Variants in RAD51C observed in about 807,000 individuals in gnomAD.
RAD51C encodes DNA repair protein RAD51 homolog 3.
In RAD51C, 42 loss-of-function variants were observed where a neutral mutation model predicts 45.0. The ratio of observed to expected loss-of-function variants is 0.93; its 90% CI spans 0.73 to 1.21. The LOEUF (loss-of-function observed/expected upper bound fraction) is 1.21. Ranked by LOEUF, RAD51C falls within the 50% of genes most tolerant of loss-of-function variation. The pLI, the probability that RAD51C is intolerant of heterozygous loss-of-function variation, is 0.00. For missense variants in RAD51C, 474 were observed against 452.2 expected, an observed-to-expected ratio of 1.05 and a Z score of -0.44; for synonymous variants, 172 against 159.8, an observed-to-expected ratio of 1.08 and a Z score of -0.58.
At chr17:58,721,719 A>G (rs1453033074) in intron 6 of RAD51C, among the ~76,000 whole-genome samples, 1 of 151,526 alleles carries the variant, frequency 6.6e-6, no homozygotes, top group Non-Finnish European at 1.5e-5. Context: ...CGGTCGCGCC[A>G]TTGCACTCCA....
At chr17:58,696,350 G>A (rs1477174703) in intron 2 of RAD51C, among the ~76,000 whole-genome samples, 2 of 151,846 alleles carry the variant, frequency 1.3e-5, no homozygotes, top group African/African-American at 2.4e-5. Flanking sequence ...GGAGAATGGC[G>A]TAAACCTGGG....
intron 4 of RAD51C, among the ~76,000 whole-genome samples, chr17:58,704,360 C>T (rs1030109594): frequency 5.9e-5 from 9 of 151,898 alleles, no homozygotes; most frequent in African/African-American, 1.7e-4. Flanking sequence ...GCAACCTCTG[C>T]TTCCCGGGTT....
chr17:58,693,368 C>G (rs979617696), intron 1 of RAD51C: 3 of 160,160 alleles, frequency 1.9e-5, no homozygotes, highest in African/African-American at 7.2e-5. Context: ...CAGATGGGAA[C>G]CACTGCATCC....
At position 58,734,180 on chromosome 17, in the gene RAD51C, G is replaced by C. The variant is rs559647198; in HGVS notation, c.1089G>C (p.Leu363Phe). ...SACSLQTEGS[L>F]STRKRSRDPE... is the part of the protein sequence containing the mutation. Reference sequence around the variant, plus strand: ...GTTCATTGCAAACAGAAGGTTCCTTGAGCACCCGGAAACGGTCACGAGACC... The same window carrying C: ...GTTCATTGCAAACAGAAGGTTCCTTCAGCACCCGGAAACGGTCACGAGACC... Residue 363 changes from leucine (L) to phenylalanine (F), a missense_variant, in exon 9 of 9, where the codon TTG becomes TTC. Coordinates refer to ENST00000337432, the MANE Select transcript of RAD51C (RefSeq NM_058216.3). The C allele has an allele frequency of 1.2e-6, 2 of 1,613,470 alleles. No individual in the cohort carries two copies. Among genetic ancestry groups the C allele is most frequent in the South Asian group, 1.1e-5 (1 of 90,934 alleles).
At chr17:58,713,316 GT>G (rs972474551) in intron 5 of RAD51C, among the ~76,000 whole-genome samples, 2 of 151,634 alleles carry the variant, frequency 1.3e-5, no homozygotes, top group Non-Finnish European at 2.9e-5. Context: ...TGTAGCATAG[GT>G]TTTTTTTGTA....
At chr17:58,695,740 A>AT (rs2047979972) in intron 2 of RAD51C, among the ~76,000 whole-genome samples, 1 of 151,392 alleles carries the variant, frequency 6.6e-6, no homozygotes, top group Non-Finnish European at 1.5e-5. Context: ...AGCCTTAATC[A>AT]CATCACTGGG....
At chr17:58,702,885 A>G (rs2048257475) in intron 3 of RAD51C, among the ~76,000 whole-genome samples, 1 of 152,074 alleles carries the variant, frequency 6.6e-6, no homozygotes, top group Admixed American at 6.6e-5. Context: ...GAGAGACATC[A>G]GGTGGGGGGC....
At chr17:58,699,148 G>A (rs1007878956) in intron 3 of RAD51C, among the ~76,000 whole-genome samples, 3 of 151,196 alleles carry the variant, frequency 2.0e-5, no homozygotes, top group East Asian at 2.0e-4. Context: ...CTGGGACTAC[G>A]GGCATGTGCC....
At chr17:58,714,361 T>C (rs2048659182) in intron 5 of RAD51C, among the ~76,000 whole-genome samples, 1 of 152,212 alleles carries the variant, frequency 6.6e-6, no homozygotes, top group South Asian at 2.1e-4. Flanking sequence ...GTTATAAAAT[T>C]ACCCTCAGAA....
intron 8 of RAD51C, among the ~76,000 whole-genome samples, chr17:58,733,664 C>T (rs1036334761): frequency 2.6e-5 from 4 of 152,170 alleles, no homozygotes; most frequent in Non-Finnish European, 5.9e-5. Flanking sequence ...GGCTTTGGCA[C>T]GTATCCATGA....
At chr17:58,692,938 C>T in intron 1 of RAD51C, 150 bp downstream of exon 1, 1 of 1,158,382 alleles carries the variant, frequency 8.6e-7, no homozygotes, top group Non-Finnish European at 1.2e-6. Flanking sequence ...CTCCTCGACT[C>T]CACTTACAAG....
chr17:58,707,196 A>G (rs1029677583), intron 4 of RAD51C, among the ~76,000 whole-genome samples: 1 of 152,144 alleles, frequency 6.6e-6, no homozygotes, highest in African/African-American at 2.4e-5. Flanking sequence ...TTCAGTTTCC[A>G]GTAACTTGTT....
At position 58,716,422 on chromosome 17, in the gene RAD51C, T is replaced by C. The variant is rs983691761; in HGVS notation, c.838-4324T>C. 3.9e-5 allele frequency among the ~76,000 whole-genome samples: 6 copies of C among 152,288 alleles called. No homozygotes were observed. The East Asian group carries it at 1.2e-3, about 29-fold the overall frequency. On this transcript the variant is annotated intron_variant, in intron 5 of 8. Transcript: ENST00000337432. ...GACTGTTCAGCACTTGAAATATAGCTAATACTACTGAGCTACTGAATTTAT... is the reference window on the plus strand; with the variant it reads ...GACTGTTCAGCACTTGAAATATAGCCAATACTACTGAGCTACTGAATTTAT...
At chr17:58,714,912 CAG>C (rs1478615956) in intron 5 of RAD51C, among the ~76,000 whole-genome samples, 1 of 152,110 alleles carries the variant, frequency 6.6e-6, no homozygotes, top group Non-Finnish European at 1.5e-5. Context: ...AGTGTATCCA[CAG>C]AGTTTTGCAA....
At chr17:58,705,764 A>T (rs2048358821) in intron 4 of RAD51C, 1 of 152,080 alleles carries the variant, frequency 6.6e-6, no homozygotes, top group Non-Finnish European at 1.5e-5. Flanking sequence ...TCAACATACG[A>T]ATTTTAAGGG....
At chr17:58,729,283 TCTC>T (rs748005962) in intron 7 of RAD51C, among the ~76,000 whole-genome samples, 45 of 152,276 alleles carry the variant, frequency 3.0e-4, no homozygotes, top group Non-Finnish European at 5.1e-4. Context: ...AGTGGCGCAA[TCTC>T]AGCTCACTAC....
chr17:58,699,700 C>T (rs2048144847), intron 3 of RAD51C, among the ~76,000 whole-genome samples: 1 of 152,196 alleles, frequency 6.6e-6, no homozygotes, highest in Non-Finnish European at 1.5e-5. Flanking sequence ...CCACAGACAA[C>T]TTTAGACCAT....
intron 5 of RAD51C, among the ~76,000 whole-genome samples, chr17:58,710,967 A>G (rs2048538401): frequency 6.6e-6 from 1 of 152,198 alleles, no homozygotes; most frequent in Admixed American, 6.5e-5. Flanking sequence ...ACCTTAGCAC[A>G]TACCTGTAAT....
Position 58,726,093 on chromosome 17 carries a change from A to G in RAD51C, c.965+1993A>G, listed in dbSNP as rs376846684. Among the ~76,000 whole-genome samples, 17 of 151,204 alleles carry G rather than the reference A, an allele frequency of 1.1e-4. No homozygotes were observed. The South Asian group carries it at 2.7e-3, about 24-fold the overall frequency. On this transcript the variant is annotated intron_variant, in intron 7 of 8. Transcript: ENST00000337432. ...TCTGCTGTTCTATAATATTTTTTCT[A>G]CATCTCATAAGATCATTTTTTTAAT...
Sources: allele counts gnomAD v4.1 joint callset (sites outside exome capture counted in the v4.1 genomes callset), GRCh38; gene constraint gnomAD v4.1.1; transcripts MANE v1.5; gene names NCBI Gene and HGNC (gene_info 2026-07-23, HGNC 2026-07-21).